The following LRBA variants were observed in gnomAD, a reference collection of about 807,000 sequenced individuals.
LRBA encodes the protein lipopolysaccharide-responsive and beige-like anchor protein.
In LRBA, 176 loss-of-function variants were observed where a neutral mutation model predicts 330.0. The observed-to-expected ratio is 0.53, with a 90% CI of 0.47 to 0.60. LRBA has a LOEUF of 0.60. Among genes scored for constraint, LRBA ranks in the 20% least tolerant of loss-of-function variants. The probability of loss-of-function intolerance (pLI) is 0.00; values close to 1 mark genes in which losing one functional copy is unlikely to be tolerated. For missense variants in LRBA, 3,259 were observed against 3,444.8 expected (o/e 0.95, Z 1.35); for synonymous variants, 1,230 against 1,193.0 (o/e 1.03, Z -0.64).
intron 2 of LRBA, among the ~76,000 whole-genome samples, chr4:150,968,920 A>G (rs1022204626): frequency 3.3e-5 from 5 of 152,206 alleles, no homozygotes; most frequent in Non-Finnish European, 7.3e-5. Context: ...CAATGCTCAC[A>G]AACCATTCTG....
At chr4:150,437,258 G>A (rs1751239274) in intron 44 of LRBA, among the ~76,000 whole-genome samples, 1 of 151,960 alleles carries the variant, frequency 6.6e-6, no homozygotes, top group Non-Finnish European at 1.5e-5. Context: ...AAAGCTGAAG[G>A]ACTGACTTAT....
chr4:150,603,601 C>T (rs1168609781), intron 37 of LRBA, among the ~76,000 whole-genome samples: 1 of 152,116 alleles, frequency 6.6e-6, no homozygotes, highest in Non-Finnish European at 1.5e-5. Context: ...TCAAAAGATT[C>T]TCCTGCCTCA....
intron 17 of LRBA, among the ~76,000 whole-genome samples, chr4:150,874,751 T>C (rs541942854): frequency 1.3e-5 from 2 of 152,102 alleles, no homozygotes; most frequent in African/African-American, 4.8e-5. Context: ...TGGACCCTCT[T>C]TGCTCCATGC....
intron 2 of LRBA, among the ~76,000 whole-genome samples, chr4:150,948,705 T>A (rs538780140): frequency 1.2e-4 from 18 of 151,908 alleles, no homozygotes; most frequent in African/African-American, 4.1e-4. Flanking sequence ...AAACCAAATA[T>A]CTGACAAAAG....
chr4:150,619,490 C>T (rs1776097663), intron 37 of LRBA, among the ~76,000 whole-genome samples: 1 of 152,100 alleles, frequency 6.6e-6, no homozygotes, highest in Non-Finnish European at 1.5e-5. Flanking sequence ...CTTTTCCTAA[C>T]AGTAAGATGT....
rs367986567 is a variant in LRBA at position 150,853,135 on chromosome 4, C to A, written c.2767-192G>T. Among the ~76,000 whole-genome samples, 27 of 152,138 alleles carry A rather than the reference C, an allele frequency of 1.8e-4. No homozygotes were observed. The East Asian group carries it at 3.9e-3, about 22-fold the overall frequency. On this transcript the variant is annotated intron_variant, in intron 22 of 56. Transcript: ENST00000651943. ...TCTAAATATTCATTAAAAACTACAGCCAATTTTAATGTTAACAAGTAACAC... is the reference window on the plus strand; with the variant it reads ...TCTAAATATTCATTAAAAACTACAGACAATTTTAATGTTAACAAGTAACAC...
At position 150,870,574 on chromosome 4, in the gene LRBA, T is replaced by C. The variant is rs199977486; in HGVS notation, c.2400A>G (p.Ile800Met). 9 of 1,589,524 alleles carry C rather than the reference T, an allele frequency of 5.7e-6. No individual in the cohort carries two copies. In the African/African-American group the frequency reaches 8.1e-5, roughly 14 times the overall value. Residue 800 changes from isoleucine to methionine, a missense_variant, in exon 20 of 57, where the codon ATA becomes ATG. By Grantham distance (10) the Ile-to-Met change is conservative (BLOSUM62 1). Transcript: ENST00000651943. The part of the protein sequence containing the change: ...ILIEQIGTQV[I>M]HKQHPDPDSS... Reference sequence around the variant, plus strand: ...AATCAGGATCTGGATGCTGTTTATGTATCACCTGAGTACCAATCTGTTCTA... The same window carrying C: ...AATCAGGATCTGGATGCTGTTTATGCATCACCTGAGTACCAATCTGTTCTA...
chr4:150,853,202 T>C (rs1750818855), intron 22 of LRBA, among the ~76,000 whole-genome samples: 1 of 152,162 alleles, frequency 6.6e-6, no homozygotes, highest in Admixed American at 6.5e-5. Flanking sequence ...TAGCCTATTA[T>C]TAAACATGTA....
At chr4:150,527,450 T>C (rs1329819527) in intron 40 of LRBA, among the ~76,000 whole-genome samples, 3 of 152,206 alleles carry the variant, frequency 2.0e-5, no homozygotes, top group Non-Finnish European at 4.4e-5. Flanking sequence ...TATTAAAGGA[T>C]ATGTACTTCT....
At chr4:150,953,098 T>C (rs1737032761) in intron 2 of LRBA, among the ~76,000 whole-genome samples, 1 of 152,212 alleles carries the variant, frequency 6.6e-6, no homozygotes, top group African/African-American at 2.4e-5. Context: ...CAAATGATCA[T>C]TTCTATCTGA....
intron 22 of LRBA, among the ~76,000 whole-genome samples, chr4:150,864,299 C>T (rs1303069558): frequency 2.6e-5 from 4 of 152,100 alleles, no homozygotes; most frequent in African/African-American, 4.8e-5. Flanking sequence ...TGGATTATAT[C>T]TACTACTGCT....
At position 150,900,116 on chromosome 4, in the gene LRBA, G is replaced by A. The variant is rs764873936; in HGVS notation, c.1857C>T (p.His619=). ...RRVGTVLLIM[H]TLKYYYWAVN... is the part of the protein sequence containing the mutation. ...CTGCCCAGTAGTAGTACTTCAGCGT[G>A]TGCATGATGAGAAGCACTGTTCCAA... is the stretch of plus-strand genomic sequence containing the variant. Residue 619 remains histidine (H), a synonymous_variant, in exon 14 of 57, where the codon CAC becomes CAT. Coordinates refer to ENST00000651943, the MANE Select transcript of LRBA (RefSeq NM_001364905.1). 5.0e-6 allele frequency: 8 copies of A among 1,612,944 alleles called. No individual in the cohort carries two copies. The highest frequency in any genetic ancestry group is 6.8e-6 in the Non-Finnish European group (8 of 1,179,018).
At chr4:150,616,412 A>G (rs1050043726) in intron 37 of LRBA, among the ~76,000 whole-genome samples, 3 of 152,220 alleles carry the variant, frequency 2.0e-5, no homozygotes, top group African/African-American at 7.2e-5. Flanking sequence ...TACTCATCTC[A>G]TATTGGCAGT....
chr4:150,815,163 AC>A (rs1261822120), intron 31 of LRBA, among the ~76,000 whole-genome samples: 1 of 151,952 alleles, frequency 6.6e-6, no homozygotes, highest in Non-Finnish European at 1.5e-5. Flanking sequence ...AATTTACTAT[AC>A]CTGAATTTAA....
intron 37 of LRBA, among the ~76,000 whole-genome samples, chr4:150,658,332 T>G (rs1449039830): frequency 6.7e-6 from 1 of 149,924 alleles, no homozygotes; most frequent in East Asian, 2.0e-4. Context: ...ATTTAACACA[T>G]TCCTATTAAA....
At position 150,322,995 on chromosome 4, in the gene LRBA, C is replaced by CTGTGTG. The variant is rs577818605; in HGVS notation, c.7453-1633_7453-1628dup. On this transcript the variant is annotated intron_variant, in intron 49 of 56. Transcript: ENST00000651943. Reference sequence around the variant, plus strand: ...ATTTCTGCTATATTTGTGTGTGTCTCTGTGTGTGTGTGTGTGTGTGTGTGT... The same window carrying CTGTGTG: ...ATTTCTGCTATATTTGTGTGTGTCTCTGTGTGTGTGTGTGTGTGTGTGTGTGTGTGT... 2.5e-4 allele frequency among the ~76,000 whole-genome samples: 6 copies of CTGTGTG among 23,884 alleles called. 1 individual carries two copies. Among genetic ancestry groups the CTGTGTG allele is most frequent in the East Asian group, 1.9e-3 (3 of 1,582 alleles). The allele number at this position is 23,884 out of a possible 152,430, so 15.7% of individuals were successfully genotyped here. A position where few individuals can be genotyped will look rare whatever the true frequency, so the allele number is the denominator to read the frequency against.
At chr4:150,887,496 G>A (rs1729059668) in intron 17 of LRBA, among the ~76,000 whole-genome samples, 1 of 152,048 alleles carries the variant, frequency 6.6e-6, no homozygotes, top group African/African-American at 2.4e-5. Context: ...CTCACGGGCC[G>A]GGTGTGGTGG....
At chr4:150,538,985 T>G (rs1765008036) in intron 40 of LRBA, among the ~76,000 whole-genome samples, 1 of 151,988 alleles carries the variant, frequency 6.6e-6, no homozygotes, top group Non-Finnish European at 1.5e-5. Context: ...TTAACTTTTT[T>G]TTTTTGTTAG....
chr4:150,313,690 TC>T (rs1731350511), intron 51 of LRBA, among the ~76,000 whole-genome samples: 1 of 152,000 alleles, frequency 6.6e-6, no homozygotes, highest in African/African-American at 2.4e-5. Flanking sequence ...AGCTTGAGTT[TC>T]CCTTATCTGA....
Sources: allele counts gnomAD v4.1 joint callset (sites outside exome capture counted in the v4.1 genomes callset), GRCh38; gene constraint gnomAD v4.1.1; transcripts MANE v1.5; gene names NCBI Gene and HGNC (gene_info 2026-07-23, HGNC 2026-07-21).